The following GLI2 variants were observed in gnomAD, a reference collection of about 807,000 sequenced individuals.
The protein encoded by GLI2 is GLI family zinc finger 2.
In GLI2, 22 loss-of-function variants were observed where a neutral mutation model predicts 78.9. The observed-to-expected ratio is 0.28, with a 90% CI of 0.20 to 0.40. GLI2 has a LOEUF of 0.40. Among genes scored for constraint, GLI2 ranks in the 10% least tolerant of loss-of-function variants. The probability of loss-of-function intolerance (pLI) is 1.00; values close to 1 mark genes in which losing one functional copy is unlikely to be tolerated. For missense variants in GLI2, 2,097 were observed against 2,213.2 expected, an observed-to-expected ratio of 0.95 and a Z score of 1.05; for synonymous variants, 974 against 963.7, an observed-to-expected ratio of 1.01 and a Z score of -0.20.
rs546465819 is a variant in GLI2, at chr2:120,899,152, A to G, written c.149-28209A>G. ...CAGGAGAGCTCTTTCCTGGAGATCA[A>G]TCTGCAGAGAGCAGGCTCATTGTGA... On this transcript the variant is annotated intron_variant, in intron 2 of 13. Coordinates refer to ENST00000361492, the MANE Select transcript of GLI2 (RefSeq NM_001374353.1). Among the ~76,000 whole-genome samples the G allele has an allele frequency of 5.3e-5, 8 of 152,258 alleles. No homozygotes were observed. In the South Asian group the frequency reaches 8.3e-4, roughly 16 times the overall value.
At chr2:120,853,748 GC>G (rs1026691509) in intron 2 of GLI2, among the ~76,000 whole-genome samples, 4 of 152,162 alleles carry the variant, frequency 2.6e-5, no homozygotes, top group African/African-American at 7.2e-5. Context: ...CTCCTCGCAG[GC>G]CCCAGGGGTC....
chr2:120,904,390 T>C (rs1678412613), intron 2 of GLI2, among the ~76,000 whole-genome samples: 1 of 152,202 alleles, frequency 6.6e-6, no homozygotes, highest in Admixed American at 6.5e-5. Flanking sequence ...CTCTGCCTGC[T>C]CTGGTGGGAA....
At chr2:120,955,968 G>A (rs575347895) in intron 5 of GLI2, among the ~76,000 whole-genome samples, 3 of 152,256 alleles carry the variant, frequency 2.0e-5, no homozygotes, top group African/African-American at 7.2e-5. Context: ...TGGGGGTGAG[G>A]CCAGAGTTTC....
intron 1 of GLI2, among the ~76,000 whole-genome samples, chr2:120,787,282 G>T (rs1684023571): frequency 6.6e-6 from 1 of 152,328 alleles, no homozygotes; most frequent in East Asian, 1.9e-4. Flanking sequence ...AGATCCTGAG[G>T]CAGGGCCTTG....
At chr2:120,744,600 G>A (rs1362293922) in intron 1 of GLI2, among the ~76,000 whole-genome samples, 2 of 152,202 alleles carry the variant, frequency 1.3e-5, no homozygotes, top group African/African-American at 4.8e-5. Flanking sequence ...GTGTGAATGA[G>A]GGATGTGCGA....
chr2:120,990,096 C>G lies in GLI2; in HGVS notation c.4131C>G (p.Ala1377=). The stretch of plus-strand genomic sequence containing the variant: ...TACGTGCTGTGCAGCAGCAGCTGGC[C>G]TACGCCAGGGCCACAGGCCATGCCA... The part of the protein sequence containing the change: ...RGVRAVQQQL[A]YARATGHAMA... Residue 1377 remains alanine (A), a synonymous_variant, in exon 14 of 14, where the codon GCC becomes GCG. Coordinates refer to ENST00000361492, the MANE Select transcript of GLI2 (RefSeq NM_001374353.1). 1 of 1,599,146 alleles carries G rather than the reference C, an allele frequency of 6.3e-7. No individual in the cohort carries two copies. Among genetic ancestry groups the G allele is most frequent in the Non-Finnish European group, 8.5e-7 (1 of 1,171,210 alleles).
At chr2:120,857,354 T>C (rs376430811) in intron 2 of GLI2, among the ~76,000 whole-genome samples, 481 of 18,200 alleles carry the variant, frequency 0.026, 4 homozygotes, top group Admixed American at 0.092. Context: ...CCCACCCACC[T>C]ACCTATCTGC....
chr2:120,914,658 C>G (rs558531545), intron 2 of GLI2, among the ~76,000 whole-genome samples: 8 of 152,318 alleles, frequency 5.3e-5, no homozygotes, highest in South Asian at 2.1e-4. Context: ...ACCCCAGTCT[C>G]CCACCCCTTG....
chr2:120,932,587 A>G (rs72837314), intron 3 of GLI2, among the ~76,000 whole-genome samples: 83 of 152,314 alleles, frequency 5.4e-4, no homozygotes, highest in Non-Finnish European at 1.1e-3. Context: ...TGTGATTAAC[A>G]TGAATTAACT....
chr2:120,812,278 C>T (rs932134831), intron 2 of GLI2, among the ~76,000 whole-genome samples: 3 of 152,206 alleles, frequency 2.0e-5, no homozygotes, highest in Non-Finnish European at 4.4e-5. Context: ...ACACATGTCG[C>T]GGCCCGGTCC....
intron 1 of GLI2, among the ~76,000 whole-genome samples, chr2:120,772,497 T>G (rs550513644): frequency 6.6e-6 from 1 of 152,202 alleles, no homozygotes; most frequent in African/African-American, 2.4e-5. Flanking sequence ...GCAGAGGGAA[T>G]GTTTTAACTC....
intron 2 of GLI2, among the ~76,000 whole-genome samples, chr2:120,904,394 G>A (rs1237631072): frequency 1.3e-5 from 2 of 152,196 alleles, no homozygotes; most frequent in African/African-American, 2.4e-5. Context: ...GCCTGCTCTG[G>A]TGGGAAGGCA....
intron 2 of GLI2, among the ~76,000 whole-genome samples, chr2:120,834,354 G>A (rs936075257): frequency 7.9e-5 from 12 of 152,160 alleles, no homozygotes; most frequent in African/African-American, 2.2e-4. Context: ...AGGGTTGGCC[G>A]GTTTGAATGA....
chr2:120,955,474 T>C (rs1681215920), intron 5 of GLI2, 44 bp downstream of exon 5: 1 of 1,262,864 alleles, frequency 7.9e-7, no homozygotes, highest in Non-Finnish European at 1.1e-6. Flanking sequence ...CTAGCAGATC[T>C]CCTCTTGAGG....
At chr2:120,822,322 A>T (rs1056342600) in intron 2 of GLI2, among the ~76,000 whole-genome samples, 4 of 152,254 alleles carry the variant, frequency 2.6e-5, no homozygotes, top group African/African-American at 9.6e-5. Flanking sequence ...TGCCCTGCAC[A>T]GCGGGTCCAG....
Position 120,781,079 on chromosome 2 carries a change from C to G in GLI2, c.-30-16212C>G, listed in dbSNP as rs184132049. Among the ~76,000 whole-genome samples, 10 of 152,324 alleles carry G rather than the reference C, an allele frequency of 6.6e-5. No individual in the cohort carries two copies. In the East Asian group the frequency reaches 1.7e-3, roughly 26 times the overall value. ...GCATAAACCTTTCTTTCACCTTGCT[C>G]CATAGTCTATAAAAGGAGACACAAG... On this transcript the variant is annotated intron_variant, in intron 1 of 13. Transcript: ENST00000361492.
intron 2 of GLI2, among the ~76,000 whole-genome samples, chr2:120,808,063 C>G (rs1018046962): frequency 4.6e-5 from 7 of 152,214 alleles, no homozygotes; most frequent in African/African-American, 1.4e-4. Context: ...TGGCACCAGA[C>G]AGCCAGGCCT....
intron 2 of GLI2, among the ~76,000 whole-genome samples, chr2:120,878,421 C>T (rs1030338891): frequency 2.0e-5 from 3 of 152,168 alleles, no homozygotes; most frequent in Non-Finnish European, 4.4e-5. Flanking sequence ...TGTTTAAAGA[C>T]TTGGCTGAAT....
intron 11 of GLI2, 41 bp from the exon 12 acceptor site, chr2:120,984,430 T>C: frequency 6.2e-7 from 1 of 1,609,266 alleles, no homozygotes; most frequent in South Asian, 1.1e-5. Context: ...GAGTTGATCC[T>C]CGTACCCCTA....
Sources: allele counts gnomAD v4.1 joint callset (sites outside exome capture counted in the v4.1 genomes callset), GRCh38; gene constraint gnomAD v4.1.1; transcripts MANE v1.5; gene names NCBI Gene and HGNC (gene_info 2026-07-23, HGNC 2026-07-21).